ADPGK: variants seen among roughly 807,000 people sequenced by gnomAD.
The protein encoded by ADPGK is ADP-dependent glucokinase.
In ADPGK, 26 loss-of-function variants were observed where a neutral mutation model predicts 42.4. The observed-to-expected ratio is 0.61, with a 90% confidence interval of 0.45 to 0.85. The LOEUF is 0.85. Ranked by LOEUF, ADPGK falls within the 40% of genes least tolerant of loss-of-function variation. ADPGK has a pLI of 0.00. For missense variants in ADPGK, 571 were observed against 627.0 expected, an observed-to-expected ratio of 0.91 and a Z score of 0.95; for synonymous variants, 267 against 252.6, an observed-to-expected ratio of 1.06 and a Z score of -0.54.
Position 72,751,959 on chromosome 15 carries a change from G to A in ADPGK, c.*382C>T, listed in dbSNP as rs1305738154. The A allele has an allele frequency of 1.5e-5, 3 of 194,714 alleles. No homozygotes were observed. The highest frequency in any genetic ancestry group is 7.0e-5 in the African/African-American group (3 of 42,772). 12.1% of individuals were successfully genotyped at this position (194,714 alleles called of 1,614,324 possible). A position where few individuals can be genotyped will look rare whatever the true frequency, so the allele number is the denominator to read the frequency against. On this transcript the variant is annotated 3_prime_UTR_variant, in exon 7 of 7. Coordinates refer to ENST00000456471, the MANE Select transcript of ADPGK (RefSeq NM_001365225.1). The stretch of plus-strand genomic sequence containing the variant: ...TGAAAGAAAGAGGAACCTCACATGA[G>A]GCTTTCCTAGAGACCAGGATGTTGG...
chr15:72,773,754 C>T (rs2066355927), intron 2 of ADPGK, among the ~76,000 whole-genome samples: 1 of 152,226 alleles, frequency 6.6e-6, no homozygotes, highest in Non-Finnish European at 1.5e-5. Flanking sequence ...CTACTGATCC[C>T]AGTTGTCAAA....
At chr15:72,756,472 G>A in intron 4 of ADPGK, 25 bp from the exon 5 acceptor site, 1 of 1,612,966 alleles carries the variant, frequency 6.2e-7, no homozygotes, top group Non-Finnish European at 8.5e-7. Context: ...TCAACACAAT[G>A]GGAAGAAAAG....
At chr15:72,781,381 G>A (rs1243970037) in intron 1 of ADPGK, among the ~76,000 whole-genome samples, 3 of 152,064 alleles carry the variant, frequency 2.0e-5, no homozygotes, top group Non-Finnish European at 4.4e-5. Flanking sequence ...TAGGATTCTC[G>A]CTCCAAAACA....
intron 3 of ADPGK, among the ~76,000 whole-genome samples, chr15:72,766,073 A>C (rs1287217320): frequency 3.3e-5 from 5 of 152,126 alleles, no homozygotes; most frequent in Admixed American, 6.6e-5. Flanking sequence ...CAGTAGCCTC[A>C]AACTCCTAGG....
At chr15:72,773,039 C>T (rs1381094790) in intron 2 of ADPGK, among the ~76,000 whole-genome samples, 1 of 151,988 alleles carries the variant, frequency 6.6e-6, no homozygotes, top group Non-Finnish European at 1.5e-5. Flanking sequence ...ATCTTTTGGC[C>T]GCCCTAGGCC....
chr15:72,774,406 G>A (rs1282716163), intron 2 of ADPGK, among the ~76,000 whole-genome samples: 1 of 152,110 alleles, frequency 6.6e-6, no homozygotes, highest in Non-Finnish European at 1.5e-5. Context: ...GCCATGGTTG[G>A]GTCTCCAGCC....
chr15:72,763,312 C>T (rs1013173539), intron 3 of ADPGK, among the ~76,000 whole-genome samples: 14 of 147,906 alleles, frequency 9.5e-5, no homozygotes, highest in Admixed American at 4.0e-4. Context: ...CCACCACACT[C>T]GGCTAATTTT....
At chr15:72,778,184 G>A (rs1195146201) in intron 1 of ADPGK, among the ~76,000 whole-genome samples, 2 of 152,192 alleles carry the variant, frequency 1.3e-5, no homozygotes, top group Non-Finnish European at 2.9e-5. Flanking sequence ...GGGAGGCAGA[G>A]GTTGCAGTGA....
chr15:72,780,700 C>A (rs1170543415), intron 1 of ADPGK, among the ~76,000 whole-genome samples: 2 of 152,152 alleles, frequency 1.3e-5, no homozygotes, highest in Non-Finnish European at 2.9e-5. Flanking sequence ...GGACACTGAG[C>A]ATGACAGGTC....
At chr15:72,781,871 G>C (rs2151097656) in intron 1 of ADPGK, among the ~76,000 whole-genome samples, 1 of 152,278 alleles carries the variant, frequency 6.6e-6, no homozygotes, top group Admixed American at 6.5e-5. Flanking sequence ...AGGTCATACG[G>C]GTGAGCCCTA....
At chr15:72,755,721 GATC>G in intron 5 of ADPGK, 67 bp from the exon 6 acceptor site, 1 of 1,290,636 alleles carries the variant, frequency 7.7e-7, no homozygotes, top group Non-Finnish European at 1.1e-6. Context: ...GGGAAGAAAA[GATC>G]AGATCCTGAG....
At chr15:72,760,606 C>A (rs544349764) in intron 3 of ADPGK, 79 bp from the exon 4 acceptor site, 2 of 1,448,000 alleles carry the variant, frequency 1.4e-6, no homozygotes, top group African/African-American at 1.4e-5. Flanking sequence ...CAGGACAGTA[C>A]ATTCAGGCTG....
intron 6 of ADPGK, among the ~76,000 whole-genome samples, chr15:72,755,290 C>T (rs904790847): frequency 2.0e-5 from 3 of 150,968 alleles, no homozygotes; most frequent in African/African-American, 7.5e-5. Context: ...TTTTTCCATT[C>T]ACTTTCAACT....
Position 72,775,076 on chromosome 15 carries a change from C to A in ADPGK, c.255G>T (p.Val85=). Residue 85 remains valine, a synonymous_variant, in exon 2 of 7, where the codon GTG becomes GTT. Coordinates refer to ENST00000456471, the MANE Select transcript of ADPGK (RefSeq NM_001365225.1). ...GCAAGAGCTTCACCCCTGAGAGCAC[C>A]ACATCAACACATGCATTGACTCTAG... ...VAVGVNACVD[V]VLSGVKLLQA... is the part of the protein sequence containing the mutation. The A allele has an allele frequency of 6.2e-7, 1 of 1,614,062 alleles. No individual in the cohort carries two copies. The highest frequency in any genetic ancestry group is 8.5e-7 in the Non-Finnish European group (1 of 1,180,002).
chr15:72,776,362 T>C (rs918746515), intron 1 of ADPGK, among the ~76,000 whole-genome samples: 1 of 152,140 alleles, frequency 6.6e-6, no homozygotes, highest in African/African-American at 2.4e-5. Context: ...TGAGGTTGGA[T>C]TACCACACAG....
intron 4 of ADPGK, chr15:72,758,254 T>C: frequency 1.2e-6 from 1 of 812,452 alleles, no homozygotes; most frequent in East Asian, 2.4e-5. Context: ...TAATGGTAGT[T>C]AGCGCCCCTC....
At chr15:72,753,497 T>C (rs373229850) in intron 6 of ADPGK, among the ~76,000 whole-genome samples, 1 of 152,210 alleles carries the variant, frequency 6.6e-6, no homozygotes, top group African/African-American at 2.4e-5. Flanking sequence ...AACCACAATA[T>C]CCACCTCCCT....
At chr15:72,773,308 T>C (rs2066351560) in intron 2 of ADPGK, among the ~76,000 whole-genome samples, 1 of 152,222 alleles carries the variant, frequency 6.6e-6, no homozygotes, top group African/African-American at 2.4e-5. Flanking sequence ...GGGACAGTAA[T>C]AGCTTTTTAG....
intron 1 of ADPGK, among the ~76,000 whole-genome samples, chr15:72,779,757 A>G (rs1250490034): frequency 4.6e-5 from 7 of 152,076 alleles, no homozygotes; most frequent in Non-Finnish European, 1.0e-4. Flanking sequence ...GGGTGATCCT[A>G]TCCAGTCTCT....
Sources: allele counts gnomAD v4.1 joint callset (sites outside exome capture counted in the v4.1 genomes callset), GRCh38; gene constraint gnomAD v4.1.1; transcripts MANE v1.5; gene names NCBI Gene and HGNC (gene_info 2026-07-23, HGNC 2026-07-21).